The following FHIT variants were observed in gnomAD, a reference collection of about 807,000 sequenced individuals.
The protein encoded by FHIT is bis(5'-adenosyl)-triphosphatase.
A neutral mutation model predicts 17.9 loss-of-function variants in FHIT; 19 were observed. The ratio of observed to expected loss-of-function variants is 1.06; its 90% CI spans 0.74 to 1.56. The LOEUF (loss-of-function observed/expected upper bound fraction) is 1.56. Among genes scored for constraint, FHIT ranks in the 40% most tolerant of loss-of-function variants. The pLI, the probability that FHIT is intolerant of heterozygous loss-of-function variation, is 0.00. For missense variants in FHIT, 248 were observed against 189.2 expected (o/e 1.31, Z -1.82); for synonymous variants, 81 against 69.7 (o/e 1.16, Z -0.81).
chr3:60,146,249 T>TG (rs1553697122), intron 5 of FHIT, among the ~76,000 whole-genome samples: 1 of 144,066 alleles, frequency 6.9e-6, no homozygotes, highest in Admixed American at 7.0e-5. Context: ...TATACTCATT[T>TG]AAAAAAAAAA....
intron 4 of FHIT, among the ~76,000 whole-genome samples, chr3:60,657,741 C>G (rs535041404): frequency 6.6e-6 from 1 of 152,058 alleles, no homozygotes; most frequent in South Asian, 2.1e-4. Context: ...TATCCAGAAC[C>G]CTTCATCTTC....
At chr3:60,788,065 A>G (rs1472192783) in intron 4 of FHIT, among the ~76,000 whole-genome samples, 4 of 152,228 alleles carry the variant, frequency 2.6e-5, no homozygotes, top group South Asian at 4.1e-4. Context: ...TGAATTAGCT[A>G]TATGTTAAAT....
intron 1 of FHIT, among the ~76,000 whole-genome samples, chr3:61,232,826 G>A (rs190827611): frequency 6.6e-6 from 1 of 152,198 alleles, no homozygotes; most frequent in East Asian, 1.9e-4. Context: ...CTGGACAGGA[G>A]AGCAGGTAAA....
chr3:60,608,280 T>C (rs1158927965), intron 4 of FHIT, among the ~76,000 whole-genome samples: 1 of 152,182 alleles, frequency 6.6e-6, no homozygotes, highest in Non-Finnish European at 1.5e-5. Context: ...GAGCCAATTA[T>C]TCTAGACCAG....
At chr3:61,102,183 C>G (rs1363539464) in intron 2 of FHIT, among the ~76,000 whole-genome samples, 1 of 152,136 alleles carries the variant, frequency 6.6e-6, no homozygotes, top group African/African-American at 2.4e-5. Context: ...ATGATATTGG[C>G]TGCGGGTTTG....
intron 8 of FHIT, among the ~76,000 whole-genome samples, chr3:59,819,635 C>A (rs1372626995): frequency 1.3e-5 from 2 of 152,202 alleles, no homozygotes; most frequent in African/African-American, 4.8e-5. Flanking sequence ...TATTTGCACA[C>A]ATCTAAATAC....
intron 4 of FHIT, among the ~76,000 whole-genome samples, chr3:60,643,165 G>T (rs1553685810): frequency 6.6e-6 from 1 of 152,110 alleles, no homozygotes; most frequent in Non-Finnish European, 1.5e-5. Context: ...GCAAGATAAA[G>T]TGACAACAGT....
chr3:61,059,494 G>C (rs1222907866), intron 2 of FHIT, among the ~76,000 whole-genome samples: 2 of 150,112 alleles, frequency 1.3e-5, no homozygotes, highest in African/African-American at 2.5e-5. Flanking sequence ...TTTTAAAAGA[G>C]AGTCTGCCAA....
intron 5 of FHIT, among the ~76,000 whole-genome samples, chr3:60,157,279 G>A (rs369302750): frequency 8.5e-4 from 130 of 152,222 alleles, no homozygotes; most frequent in Middle Eastern, 6.8e-3. Flanking sequence ...AAGGATGTGG[G>A]ACTCAGAAAT....
chr3:61,026,678 C>T (rs539354359), intron 3 of FHIT, among the ~76,000 whole-genome samples: 1 of 152,144 alleles, frequency 6.6e-6, no homozygotes, highest in African/African-American at 2.4e-5. Flanking sequence ...TTAAGCTCAT[C>T]AGTTGCCGTT....
intron 5 of FHIT, among the ~76,000 whole-genome samples, chr3:60,412,540 G>C (rs1199376252): frequency 2.6e-5 from 4 of 152,068 alleles, no homozygotes; most frequent in Admixed American, 2.0e-4. Flanking sequence ...CTCAGTATTA[G>C]TCAAGTGAGA....
intron 5 of FHIT, among the ~76,000 whole-genome samples, chr3:60,348,741 T>G (rs550438623): frequency 6.6e-6 from 1 of 152,326 alleles, no homozygotes; most frequent in East Asian, 1.9e-4. Flanking sequence ...GTAACTTGAC[T>G]TGGCCAATGT....
chr3:61,014,254 G>A (rs921500889), intron 3 of FHIT, among the ~76,000 whole-genome samples: 3 of 152,112 alleles, frequency 2.0e-5, no homozygotes, highest in Admixed American at 6.6e-5. Flanking sequence ...CTTCGGCTAT[G>A]ACTAGAAAAC....
At chr3:59,803,982 A>C (rs540725315) in intron 8 of FHIT, among the ~76,000 whole-genome samples, 8 of 152,236 alleles carry the variant, frequency 5.3e-5, no homozygotes, top group African/African-American at 1.9e-4. Flanking sequence ...TTCTGCGCCA[A>C]CATAATACTT....
intron 1 of FHIT, among the ~76,000 whole-genome samples, chr3:61,228,246 G>A (rs1423773013): frequency 1.3e-5 from 2 of 151,776 alleles, no homozygotes; most frequent in Non-Finnish European, 2.9e-5. Context: ...AAAAGCAAGA[G>A]CTAAAATCCC....
intron 2 of FHIT, among the ~76,000 whole-genome samples, chr3:61,103,214 C>T (rs2035886239): frequency 6.6e-6 from 1 of 152,242 alleles, no homozygotes; most frequent in Non-Finnish European, 1.5e-5. Context: ...TCACTCTACA[C>T]ACTGCTTTAA....
At chr3:60,427,262 C>T (rs890067372) in intron 5 of FHIT, among the ~76,000 whole-genome samples, 3 of 152,050 alleles carry the variant, frequency 2.0e-5, no homozygotes, top group South Asian at 2.1e-4. Context: ...ATGAACGCTG[C>T]GCAGTAGCCG....
At chr3:60,749,099 G>C (rs1423851398) in intron 4 of FHIT, among the ~76,000 whole-genome samples, 1 of 152,070 alleles carries the variant, frequency 6.6e-6, no homozygotes, top group Non-Finnish European at 1.5e-5. Flanking sequence ...AACAATGAGA[G>C]ATAAGAAAGT....
chr3:60,948,439 G>C (rs1411516138), intron 3 of FHIT, among the ~76,000 whole-genome samples: 1 of 152,160 alleles, frequency 6.6e-6, no homozygotes, highest in South Asian at 2.1e-4. Flanking sequence ...TTCCCCTTTA[G>C]TTTTCCCTAA....
Sources: gnomAD v4.1 joint callset for allele counts (sites outside exome capture counted in the v4.1 genomes callset) on GRCh38, gnomAD v4.1.1 for gene constraint, MANE v1.5 for transcripts, NCBI Gene and HGNC (gene_info 2026-07-23, HGNC 2026-07-21) for gene names.